BNC2: variants seen among roughly 807,000 people sequenced by gnomAD.
BNC2 encodes the protein basonuclin zinc finger protein 2.
A neutral mutation model predicts 76.3 loss-of-function variants in BNC2; 20 were observed. The ratio of observed to expected loss-of-function variants is 0.26; its 90% CI spans 0.18 to 0.38. The LOEUF (loss-of-function observed/expected upper bound fraction) is 0.38. Ranked by LOEUF, BNC2 falls within the 10% of genes least tolerant of loss-of-function variation. The pLI, the probability that BNC2 is intolerant of heterozygous loss-of-function variation, is 1.00. For synonymous variants in BNC2, 582 were observed against 514.8 expected (o/e 1.13, Z -1.77); for missense variants, 1,382 against 1,399.8 (o/e 0.99, Z 0.20).
At chr9:16,754,589 G>A (rs1296415225) in intron 1 of BNC2, among the ~76,000 whole-genome samples, 4 of 151,030 alleles carry the variant, frequency 2.6e-5, no homozygotes, top group South Asian at 2.1e-4. Flanking sequence ...ACAGAGTCTC[G>A]CTCTGTTGCT....
At chr9:16,774,406 A>C (rs1694969407) in intron 1 of BNC2, among the ~76,000 whole-genome samples, 1 of 152,222 alleles carries the variant, frequency 6.6e-6, no homozygotes, top group African/African-American at 2.4e-5. Flanking sequence ...TTTCGATTCC[A>C]TTTAAAAATT....
intron 1 of BNC2, among the ~76,000 whole-genome samples, chr9:16,799,333 G>T: frequency 6.6e-6 from 1 of 151,122 alleles, no homozygotes; most frequent in Admixed American, 6.6e-5. Context: ...ATTTATTTTT[G>T]ATATGGAGTC....
intron 3 of BNC2, among the ~76,000 whole-genome samples, chr9:16,665,954 T>A (rs1346893869): frequency 6.6e-6 from 1 of 152,218 alleles, no homozygotes; most frequent in Non-Finnish European, 1.5e-5. Context: ...CTTCCAGGAT[T>A]AAAAATATTA....
intron 3 of BNC2, among the ~76,000 whole-genome samples, chr9:16,692,959 G>C (rs145970494): frequency 0.027 from 4,118 of 151,788 alleles, 66 homozygotes; most frequent in South Asian, 0.079. Context: ...GAGAAACTCC[G>C]TCTCTACTAA....
chr9:16,471,291 G>A (rs1434559860), intron 5 of BNC2, among the ~76,000 whole-genome samples: 1 of 137,904 alleles, frequency 7.3e-6, no homozygotes, highest in Non-Finnish European at 1.6e-5. Context: ...GCTTGCTTTT[G>A]ATTTTTTTTT....
intron 3 of BNC2, among the ~76,000 whole-genome samples, chr9:16,639,811 A>G (rs1821437023): frequency 6.6e-6 from 1 of 152,078 alleles, no homozygotes; most frequent in African/African-American, 2.4e-5. Flanking sequence ...CATCCTAGCT[A>G]CTTGGAAGGC....
intron 5 of BNC2, among the ~76,000 whole-genome samples, chr9:16,492,949 T>G (rs72717035): frequency 0.14 from 21,367 of 152,088 alleles, 2,232 homozygotes; most frequent in African/African-American, 0.29. Flanking sequence ...TGATCATTAG[T>G]ATAAATAACA....
chr9:16,610,386 C>G (rs1005078545), intron 3 of BNC2, among the ~76,000 whole-genome samples: 1 of 152,026 alleles, frequency 6.6e-6, no homozygotes, highest in Non-Finnish European at 1.5e-5. Context: ...TTAAATACCC[C>G]CAGAAGGAAT....
intron 1 of BNC2, among the ~76,000 whole-genome samples, chr9:16,805,713 GCACACACA>G (rs57325819): frequency 0.031 from 4,676 of 149,200 alleles, 238 homozygotes; most frequent in African/African-American, 0.11. Flanking sequence ...TTGCATACAT[GCACACACA>G]CACACACACA....
chr9:16,664,753 G>C (rs1822218469), intron 3 of BNC2, among the ~76,000 whole-genome samples: 1 of 151,606 alleles, frequency 6.6e-6, no homozygotes. Flanking sequence ...GGATCTACAA[G>C]AGACCCAATA....
intron 3 of BNC2, among the ~76,000 whole-genome samples, chr9:16,655,857 C>T (rs1036329966): frequency 1.3e-5 from 2 of 152,196 alleles, no homozygotes; most frequent in Admixed American, 6.5e-5. Context: ...GCAAAGAACA[C>T]GTGCTGACTG....
intron 3 of BNC2, among the ~76,000 whole-genome samples, chr9:16,622,178 C>G (rs1215280857): frequency 6.6e-6 from 1 of 152,134 alleles, no homozygotes; most frequent in African/African-American, 2.4e-5. Flanking sequence ...AAAATTTTAT[C>G]TAGTTACTTT....
intron 1 of BNC2, among the ~76,000 whole-genome samples, chr9:16,751,634 G>GTGTATATATATA: frequency 2.3e-4 from 2 of 8,568 alleles, no homozygotes; most frequent in South Asian, 5.8e-3. Context: ...ATATATGTAT[G>GTGTATATATATA]TATATATGTA....
chr9:16,532,884 G>T (rs879900995), intron 5 of BNC2, among the ~76,000 whole-genome samples: 1 of 152,182 alleles, frequency 6.6e-6, no homozygotes, highest in Admixed American at 6.5e-5. Flanking sequence ...GCCATCATGG[G>T]ATATTTTCAC....
chr9:16,861,417 C>A (rs1004466581), intron 1 of BNC2, among the ~76,000 whole-genome samples: 1 of 151,824 alleles, frequency 6.6e-6, no homozygotes, highest in Non-Finnish European at 1.5e-5. Context: ...ATTTGCAAAC[C>A]TTGTACCTAG....
chr9:16,600,882 GAAAT>G (rs1341719952), intron 3 of BNC2, among the ~76,000 whole-genome samples: 1 of 152,152 alleles, frequency 6.6e-6, no homozygotes, highest in Non-Finnish European at 1.5e-5. Flanking sequence ...CCTTTCATCT[GAAAT>G]AATAATGCAC....
At position 16,421,331 on chromosome 9, in the gene BNC2, C is replaced by G. The variant is rs546537216; in HGVS notation, c.2640-1682G>C. On this transcript the variant is annotated intron_variant, in intron 6 of 6. Transcript: ENST00000380672. The stretch of plus-strand genomic sequence containing the variant: ...CACAAAAGAAAGCAAGAATAAGAGA[C>G]AGAGAGAGAGAAAGAAAGAGAAAGA... The G allele has an allele frequency of 5.9e-5, 73 of 1,230,702 alleles. No individual in the cohort carries two copies. In the Admixed American group the frequency reaches 1.6e-3, roughly 27 times the overall value. 76.2% of individuals were successfully genotyped at this position (1,230,702 alleles called of 1,614,324 possible).
chr9:16,811,114 G>A (rs1002968091), intron 1 of BNC2, among the ~76,000 whole-genome samples: 3 of 148,620 alleles, frequency 2.0e-5, no homozygotes, highest in African/African-American at 7.4e-5. Flanking sequence ...GCTACTCTGG[G>A]ACTGAGGCTG....
intron 5 of BNC2, among the ~76,000 whole-genome samples, chr9:16,471,727 G>C (rs975284284): frequency 6.6e-6 from 1 of 152,152 alleles, no homozygotes; most frequent in African/African-American, 2.4e-5. Flanking sequence ...GGCATGACTG[G>C]TTTTGAAATG....
Sources: gnomAD v4.1 joint callset for allele counts (sites outside exome capture counted in the v4.1 genomes callset) on GRCh38, gnomAD v4.1.1 for gene constraint, MANE v1.5 for transcripts, NCBI Gene and HGNC (gene_info 2026-07-23, HGNC 2026-07-21) for gene names.